CCDC91: variants seen among roughly 807,000 people sequenced by gnomAD.
CCDC91 encodes the protein coiled-coil domain containing 91.
A neutral mutation model predicts 63.2 loss-of-function variants in CCDC91; 48 were observed. That is an observed-to-expected ratio of 0.76 (90% CI 0.60 to 0.97). The LOEUF (loss-of-function observed/expected upper bound fraction) is 0.97. CCDC91 is among the 50% of genes least tolerant of loss of function. The pLI, the probability that CCDC91 is intolerant of heterozygous loss-of-function variation, is 0.00. For synonymous variants in CCDC91, 167 were observed against 165.8 expected (o/e 1.01, Z -0.06); for missense variants, 500 against 494.6 (o/e 1.01, Z -0.10).
rs1388092978 is a variant in CCDC91 at position 28,296,431 on chromosome 12, A to G, written c.110-9218A>G. On this transcript the variant is annotated intron_variant, in intron 3 of 12. Transcript: ENST00000536442. ...TTGTTTATAGTATGCCAATAACTCT[A>G]GAAAATAATTAAAAATAACTAAAAT... 5.9e-5 allele frequency among the ~76,000 whole-genome samples: 9 copies of G among 151,964 alleles called. No individual in the cohort carries two copies. In the East Asian group the frequency reaches 1.7e-3, roughly 29 times the overall value.
At chr12:28,508,362 A>C (rs1307118147) in intron 12 of CCDC91, among the ~76,000 whole-genome samples, 1 of 151,484 alleles carries the variant, frequency 6.6e-6, no homozygotes. Context: ...TGCTTGGTTG[A>C]ACTCTTGTTC....
chr12:28,497,843 T>C (rs908830500), intron 12 of CCDC91, among the ~76,000 whole-genome samples: 1 of 151,652 alleles, frequency 6.6e-6, no homozygotes, highest in African/African-American at 2.4e-5. Flanking sequence ...AGTATTTCCT[T>C]TGTAGTTTAG....
chr12:28,244,968 A>T (rs1945628066), intron 1 of CCDC91, among the ~76,000 whole-genome samples: 1 of 152,180 alleles, frequency 6.6e-6, no homozygotes, highest in Non-Finnish European at 1.5e-5. Flanking sequence ...ATAACTAGAA[A>T]GTATAAAAGA....
At chr12:28,334,176 A>G (rs1484059407) in intron 6 of CCDC91, among the ~76,000 whole-genome samples, 1 of 152,000 alleles carries the variant, frequency 6.6e-6, no homozygotes, top group East Asian at 1.9e-4. Flanking sequence ...GAGGCGCTAT[A>G]TGTGGCAGGG....
At chr12:28,233,522 T>C (rs868485891) in intron 1 of CCDC91, among the ~76,000 whole-genome samples, 1 of 152,176 alleles carries the variant, frequency 6.6e-6, no homozygotes, top group Non-Finnish European at 1.5e-5. Context: ...CTATGTAAAG[T>C]GACAATACCT....
At chr12:28,323,874 T>A (rs1446510198) in intron 6 of CCDC91, among the ~76,000 whole-genome samples, 1 of 151,830 alleles carries the variant, frequency 6.6e-6, no homozygotes, top group Non-Finnish European at 1.5e-5. Context: ...AGAGTTTCAG[T>A]AGTGAGGGAT....
At chr12:28,203,702 C>A (rs1942633997) in intron 1 of CCDC91, among the ~76,000 whole-genome samples, 1 of 152,062 alleles carries the variant, frequency 6.6e-6, no homozygotes, top group South Asian at 2.1e-4. Context: ...TGAAAGAGAT[C>A]TGATAAGGTA....
chr12:28,386,569 A>G (rs1440844634), intron 7 of CCDC91, among the ~76,000 whole-genome samples: 1 of 152,064 alleles, frequency 6.6e-6, no homozygotes, highest in East Asian at 1.9e-4. Flanking sequence ...GGGTTTCATC[A>G]CGTTGGTCAG....
At chr12:28,526,331 T>C (rs1242300429) in intron 12 of CCDC91, among the ~76,000 whole-genome samples, 1 of 152,158 alleles carries the variant, frequency 6.6e-6, no homozygotes, top group East Asian at 1.9e-4. Flanking sequence ...TTTGTTTGTC[T>C]GAAAAAGACT....
rs367940390 is a variant in CCDC91, at chr12:28,536,309, A to G, written c.1216-12754A>G. Among the ~76,000 whole-genome samples the G allele has an allele frequency of 7.2e-5, 11 of 152,292 alleles. No individual in the cohort carries two copies. The East Asian group carries it at 9.7e-4, about 13-fold the overall frequency. ...GAAATTTCTATCTAAAATGCTACCA[A>G]TTGTGGTTTGTAAATGCCCCTGCAG... On this transcript the variant is annotated intron_variant, in intron 12 of 12. Transcript: ENST00000536442.
intron 1 of CCDC91, chr12:28,256,045 T>A (rs1433999575): frequency 6.6e-6 from 1 of 152,168 alleles, no homozygotes; most frequent in Non-Finnish European, 1.5e-5. Flanking sequence ...CCATCTTGTA[T>A]TACTGAGTCA....
intron 4 of CCDC91, 139 bp from the exon 5 acceptor site, chr12:28,306,603 A>T: frequency 3.6e-6 from 2 of 557,590 alleles, no homozygotes; most frequent in Non-Finnish European, 6.1e-6. Flanking sequence ...CTCTTGATTT[A>T]CTTAAAGGGT....
chr12:28,411,395 A>G (rs1197374049), intron 8 of CCDC91, among the ~76,000 whole-genome samples: 2 of 152,194 alleles, frequency 1.3e-5, no homozygotes, highest in East Asian at 3.8e-4. Context: ...GAATATTTGT[A>G]ATTAAATTGA....
intron 3 of CCDC91, among the ~76,000 whole-genome samples, chr12:28,302,220 T>A (rs186264151): frequency 4.6e-5 from 7 of 152,016 alleles, no homozygotes; most frequent in Non-Finnish European, 8.8e-5. Context: ...AGAAATCTTA[T>A]AGTATCTTAA....
intron 12 of CCDC91, among the ~76,000 whole-genome samples, chr12:28,501,575 T>C (rs1937876256): frequency 6.6e-6 from 1 of 151,560 alleles, no homozygotes; most frequent in African/African-American, 2.4e-5. Context: ...TCATGGTGGA[T>C]AAGCTTTTTG....
chr12:28,505,600 A>C (rs1258984404), intron 12 of CCDC91: 3 of 151,862 alleles, frequency 2.0e-5, no homozygotes, highest in African/African-American at 7.3e-5. Flanking sequence ...CTACTGCTGC[A>C]CTCCTCTCCT....
intron 1 of CCDC91, among the ~76,000 whole-genome samples, chr12:28,196,248 C>T (rs1442525898): frequency 6.6e-6 from 1 of 152,184 alleles, no homozygotes; most frequent in Non-Finnish European, 1.5e-5. Flanking sequence ...CTGTTGTAAA[C>T]AGTAACCTTT....
Position 28,391,298 on chromosome 12 carries a change from T to G in CCDC91, c.655-6T>G, listed in dbSNP as rs1324987340. On this transcript the variant is annotated splice_region_variant and splice_polypyrimidine_tract_variant and intron_variant, in intron 7 of 12. Transcript: ENST00000536442. ...TGATCCAAATGACTTTTTTGCTTGT[T>G]TTCAGGCACTACTGCAGTCTTCAGT... The G allele has an allele frequency of 3.1e-6, 5 of 1,590,934 alleles. No individual in the cohort carries two copies. The highest frequency in any genetic ancestry group is 3.4e-6 in the Non-Finnish European group (4 of 1,162,426).
chr12:28,478,318 A>G lies in CCDC91; in HGVS notation c.1102-5734A>G, dbSNP rs149015724. On this transcript the variant is annotated intron_variant, in intron 11 of 12. Coordinates refer to ENST00000536442, the MANE Select transcript of CCDC91 (RefSeq NM_018318.5). ...TCAGAAATAATGCCGCATATCTACA[A>G]CCATCTGATCTTTGACAAACCTGAC... Among the ~76,000 whole-genome samples the G allele has an allele frequency of 2.8e-3, 424 of 152,294 alleles. 6 individuals carry two copies. The highest frequency in any genetic ancestry group is 9.6e-3 in the African/African-American group (400 of 41,558).
Sources: gnomAD v4.1 joint callset for allele counts (sites outside exome capture counted in the v4.1 genomes callset) on GRCh38, gnomAD v4.1.1 for gene constraint, MANE v1.5 for transcripts, NCBI Gene and HGNC (gene_info 2026-07-23, HGNC 2026-07-21) for gene names.